The following NAA20 variants were observed in gnomAD, a reference collection of about 807,000 sequenced individuals.
NAA20 encodes the protein N-alpha-acetyltransferase 20.
Under a neutral mutation model 23.8 loss-of-function variants are expected in NAA20, and 24 were observed. The observed-to-expected ratio is 1.01, with a 90% confidence interval of 0.73 to 1.42. The LOEUF (loss-of-function observed/expected upper bound fraction) is 1.42. Among genes scored for constraint, NAA20 ranks in the 40% most tolerant of loss-of-function variants. NAA20 has a pLI of 0.00. For synonymous variants in NAA20, 83 were observed against 77.7 expected (o/e 1.07, Z -0.36); for missense variants, 166 against 223.1 (o/e 0.74, Z 1.63).
At chr20:20,018,038 C>G (rs2043243370) in intron 1 of NAA20, 1 of 1,614,076 alleles carries the variant, frequency 6.2e-7, no homozygotes, top group African/African-American at 1.3e-5. Context: ...CTGTCTCAGT[C>G]ATGGTTAGTG....
At chr20:20,026,203 G>A (rs1482922311) in intron 3 of NAA20, among the ~76,000 whole-genome samples, 1 of 151,926 alleles carries the variant, frequency 6.6e-6, no homozygotes, top group African/African-American at 2.4e-5. Flanking sequence ...TACTCAGGAA[G>A]CTGAGGCGGG....
At chr20:20,025,297 C>G (rs1323312308) in intron 2 of NAA20, among the ~76,000 whole-genome samples, 1 of 152,116 alleles carries the variant, frequency 6.6e-6, no homozygotes, top group Non-Finnish European at 1.5e-5. Flanking sequence ...GTACCAGGCA[C>G]CAGGGACAGA....
At chr20:20,028,548 G>T (rs865932304) in intron 4 of NAA20, among the ~76,000 whole-genome samples, 3 of 152,134 alleles carry the variant, frequency 2.0e-5, no homozygotes, top group Non-Finnish European at 2.9e-5. Context: ...TAGGGTATTT[G>T]TATGATAGAT....
At chr20:20,028,395 G>A (rs1248359149) in intron 4 of NAA20, among the ~76,000 whole-genome samples, 1 of 152,078 alleles carries the variant, frequency 6.6e-6, no homozygotes, top group East Asian at 1.9e-4. Context: ...TAGATGACGA[G>A]TTGATGGGTG....
chr20:20,023,067 C>T (rs926635951), intron 2 of NAA20, among the ~76,000 whole-genome samples: 1 of 152,056 alleles, frequency 6.6e-6, no homozygotes, highest in Non-Finnish European at 1.5e-5. Context: ...AGGCAGATCA[C>T]GAGGTCAGGC....
intron 5 of NAA20, 144 bp from the exon 6 acceptor site, chr20:20,032,958 G>T: frequency 1.4e-6 from 1 of 718,708 alleles, no homozygotes; most frequent in Non-Finnish European, 2.3e-6. Context: ...CTTGGCAATT[G>T]GGAGACATTT....
chr20:20,028,592 T>C (rs2043322198), intron 4 of NAA20, among the ~76,000 whole-genome samples: 1 of 152,180 alleles, frequency 6.6e-6, no homozygotes, highest in Non-Finnish European at 1.5e-5. Context: ...TAAGCTCTCT[T>C]CCCTTCCAGT....
chr20:20,027,938 G>A, intron 4 of NAA20, among the ~76,000 whole-genome samples: 1 of 152,150 alleles, frequency 6.6e-6, no homozygotes, highest in Non-Finnish European at 1.5e-5. Context: ...TCCTAAAAGT[G>A]TGGTAGGAAA....
chr20:20,021,809 A>G (rs2043270317), intron 1 of NAA20, among the ~76,000 whole-genome samples: 1 of 152,068 alleles, frequency 6.6e-6, no homozygotes, highest in African/African-American at 2.4e-5. Flanking sequence ...TTGACTAGGG[A>G]AGTGAGGGGA....
intron 1 of NAA20, among the ~76,000 whole-genome samples, chr20:20,021,269 T>A (rs1048666364): frequency 1.1e-4 from 16 of 152,016 alleles, no homozygotes; most frequent in African/African-American, 3.9e-4. Context: ...TTGTTTCAGG[T>A]GTTGTGTGAG....
intron 3 of NAA20, among the ~76,000 whole-genome samples, chr20:20,026,535 GTGTTT>G (rs1422965477): frequency 6.9e-6 from 1 of 145,172 alleles, no homozygotes; most frequent in African/African-American, 2.5e-5. Flanking sequence ...AAAATTAGTT[GTGTTT>G]TAAGTATATC....
Position 20,031,886 on chromosome 20 carries a change from A to G in NAA20, c.306-622A>G, listed in dbSNP as rs368525619. On this transcript the variant is annotated intron_variant, in intron 4 of 5. Coordinates refer to ENST00000334982, the MANE Select transcript of NAA20 (RefSeq NM_016100.5). ...ATGCACCAAGCCTTGTTGCTGTGGA[A>G]TGGAGGCTTACTCACTTCTGTGCAA... Among the ~76,000 whole-genome samples the G allele has an allele frequency of 1.1e-4, 17 of 152,344 alleles. 1 individual carries two copies. Among genetic ancestry groups the G allele is most frequent in the African/African-American group, 4.1e-4 (17 of 41,582 alleles).
chr20:20,019,465 A>G (rs1360290681), intron 1 of NAA20, among the ~76,000 whole-genome samples: 1 of 152,242 alleles, frequency 6.6e-6, no homozygotes, highest in Admixed American at 6.5e-5. Context: ...AAAGGACAAC[A>G]GTTTTACATG....
At chr20:20,032,689 C>T (rs755942794) in intron 5 of NAA20, 36 bp downstream of exon 5, 31 of 1,531,828 alleles carry the variant, frequency 2.0e-5, no homozygotes, top group South Asian at 1.4e-4. Flanking sequence ...CCCAAGAAGT[C>T]GAAACAGTTA....
chr20:20,025,345 G>A (rs2043299878), intron 2 of NAA20, among the ~76,000 whole-genome samples: 3 of 152,274 alleles, frequency 2.0e-5, no homozygotes, highest in South Asian at 2.1e-4. Flanking sequence ...GAGGCAGACC[G>A]CAAACAAACA....
chr20:20,018,201 G>A, intron 1 of NAA20: 1 of 936,342 alleles, frequency 1.1e-6, no homozygotes, highest in Non-Finnish European at 1.5e-6. Context: ...TGATTTGCAG[G>A]TACCAATTTT....
intron 2 of NAA20, among the ~76,000 whole-genome samples, chr20:20,022,888 C>T (rs1478380202): frequency 6.6e-6 from 1 of 152,212 alleles, no homozygotes; most frequent in Non-Finnish European, 1.5e-5. Flanking sequence ...GCAGTTTAAG[C>T]ACTCTACCCC....
intron 3 of NAA20, 95 bp from the exon 4 acceptor site, chr20:20,026,689 T>C (rs2043308766): frequency 5.3e-6 from 8 of 1,509,686 alleles, no homozygotes; most frequent in African/African-American, 4.2e-5. Flanking sequence ...TCTTTATTAG[T>C]TTCCTTTGTA....
intron 4 of NAA20, among the ~76,000 whole-genome samples, chr20:20,027,393 A>G (rs1452566328): frequency 6.6e-6 from 1 of 152,196 alleles, no homozygotes; most frequent in Non-Finnish European, 1.5e-5. Flanking sequence ...AAGAAGAAAT[A>G]TTTTCATTTC....
Sources: allele counts gnomAD v4.1 joint callset (sites outside exome capture counted in the v4.1 genomes callset), GRCh38; gene constraint gnomAD v4.1.1; transcripts MANE v1.5; gene names NCBI Gene and HGNC (gene_info 2026-07-23, HGNC 2026-07-21).